CTNND2: variants seen among roughly 807,000 people sequenced by gnomAD.
CTNND2 encodes catenin delta-2.
In CTNND2, 22 loss-of-function variants were observed where a neutral mutation model predicts 144.4. The observed-to-expected ratio is 0.15, with a 90% confidence interval of 0.11 to 0.22. The LOEUF is 0.22. Ranked by LOEUF, CTNND2 falls within the 10% of genes least tolerant of loss-of-function variation. The pLI is 1.00. For synonymous variants in CTNND2, 751 were observed against 695.6 expected (o/e 1.08, Z -1.25); for missense variants, 1,353 against 1,618.8 (o/e 0.84, Z 2.82).
At chr5:11,775,745 G>A (rs1790217233) in intron 1 of CTNND2, among the ~76,000 whole-genome samples, 1 of 152,190 alleles carries the variant, frequency 6.6e-6, no homozygotes, top group South Asian at 2.1e-4. Flanking sequence ...GGGGCGCTGG[G>A]AGGAATAATA....
chr5:11,542,431 T>C (rs1774846247), intron 3 of CTNND2, among the ~76,000 whole-genome samples: 1 of 152,174 alleles, frequency 6.6e-6, no homozygotes, highest in African/African-American at 2.4e-5. Flanking sequence ...GTTTGATGAC[T>C]AGAGCAGCCA....
rs1306759012 is a variant in CTNND2 at position 11,182,105 on chromosome 5, AGTGT to A, written c.1975+17339_1975+17342del. On this transcript the variant is annotated intron_variant, in intron 11 of 21. Coordinates refer to ENST00000304623, the MANE Select transcript of CTNND2 (RefSeq NM_001332.4). ...GTATGTGTGGGGTGTGTGTGGATGGAGTGTGTGTGTGGTGTGTGTGTGGATGGGG... is the reference window on the plus strand; with the variant it reads ...GTATGTGTGGGGTGTGTGTGGATGGAGTGTGTGGTGTGTGTGTGGATGGGG... 1.7e-4 allele frequency among the ~76,000 whole-genome samples: 7 copies of A among 42,188 alleles called. No individual in the cohort carries two copies. The Admixed American group carries it at 1.9e-3, about 11-fold the overall frequency. The allele number at this position is 42,188 out of a possible 152,430, so 27.7% of individuals were successfully genotyped here.
chr5:11,330,246 C>T (rs1026020514), intron 9 of CTNND2, among the ~76,000 whole-genome samples: 36 of 147,544 alleles, frequency 2.4e-4, no homozygotes, highest in African/African-American at 7.6e-4. Flanking sequence ...CTGAGGCGGG[C>T]GGATCACGAG....
intron 3 of CTNND2, among the ~76,000 whole-genome samples, chr5:11,535,276 T>C (rs1294152270): frequency 6.6e-6 from 1 of 152,070 alleles, no homozygotes; most frequent in African/African-American, 2.4e-5. Context: ...AATGATTCAC[T>C]TTCTCACTCT....
intron 20 of CTNND2, among the ~76,000 whole-genome samples, chr5:10,983,073 G>T (rs1392992027): frequency 1.3e-5 from 2 of 152,116 alleles, no homozygotes; most frequent in African/African-American, 2.4e-5. Context: ...GAAGAGAAAA[G>T]ATCTAGTGTT....
At chr5:11,414,392 T>C (rs1761768660) in intron 3 of CTNND2, among the ~76,000 whole-genome samples, 1 of 152,198 alleles carries the variant, frequency 6.6e-6, no homozygotes, top group East Asian at 1.9e-4. Context: ...GATTTGCTAT[T>C]ATCTCTATAC....
intron 15 of CTNND2, among the ~76,000 whole-genome samples, chr5:11,094,874 T>C (rs1187705724): frequency 6.6e-6 from 1 of 152,224 alleles, no homozygotes; most frequent in Non-Finnish European, 1.5e-5. Context: ...TGACTTTGGC[T>C]ATTCTAGACC....
At chr5:11,496,186 T>C (rs1410031122) in intron 3 of CTNND2, among the ~76,000 whole-genome samples, 1 of 152,182 alleles carries the variant, frequency 6.6e-6, no homozygotes, top group African/African-American at 2.4e-5. Flanking sequence ...CTAAAGTGCA[T>C]TCATCTATTG....
rs570138867 is a variant in CTNND2, at chr5:11,478,917, G to A, written c.288-66848C>T. 7.2e-5 allele frequency among the ~76,000 whole-genome samples: 11 copies of A among 152,230 alleles called. No individual in the cohort carries two copies. In the East Asian group the frequency reaches 2.1e-3, roughly 29 times the overall value. ...TTCACTTAAAATTTCACTGTTGTCA[G>A]AACAAATTTAACAATAGCAACATTT... On this transcript the variant is annotated intron_variant, in intron 3 of 21. Transcript: ENST00000304623.
chr5:11,282,238 C>T (rs1561145950), intron 9 of CTNND2, among the ~76,000 whole-genome samples: 1 of 152,154 alleles, frequency 6.6e-6, no homozygotes, highest in Non-Finnish European at 1.5e-5. Flanking sequence ...GCAATTCATG[C>T]TTCTCGTCTG....
At chr5:11,222,706 C>T (rs1739920178) in intron 10 of CTNND2, among the ~76,000 whole-genome samples, 1 of 152,048 alleles carries the variant, frequency 6.6e-6, no homozygotes, top group Admixed American at 6.5e-5. Flanking sequence ...CTTGGATGGC[C>T]AAAGCAGGAG....
intron 2 of CTNND2, among the ~76,000 whole-genome samples, chr5:11,669,990 C>A (rs1486875281): frequency 6.6e-6 from 1 of 152,090 alleles, no homozygotes; most frequent in Admixed American, 6.6e-5. Context: ...TTTATTTATG[C>A]CTTCATTTCA....
intron 10 of CTNND2, among the ~76,000 whole-genome samples, chr5:11,209,452 G>A (rs181018453): frequency 6.6e-6 from 1 of 152,298 alleles, no homozygotes; most frequent in Admixed American, 6.5e-5. Context: ...TTAAAGGCCT[G>A]AATCACACCT....
intron 10 of CTNND2, among the ~76,000 whole-genome samples, chr5:11,228,875 G>A (rs1740658122): frequency 6.6e-6 from 1 of 152,050 alleles, no homozygotes; most frequent in South Asian, 2.1e-4. Flanking sequence ...TTTCCACTAG[G>A]ACTGAAAATT....
At chr5:11,193,738 G>C (rs1317609084) in intron 11 of CTNND2, among the ~76,000 whole-genome samples, 1 of 152,092 alleles carries the variant, frequency 6.6e-6, no homozygotes, top group African/African-American at 2.4e-5. Context: ...TATGCCTCTG[G>C]GTGATCATAA....
At chr5:11,566,102 T>A (rs540054046) in intron 2 of CTNND2, among the ~76,000 whole-genome samples, 1 of 152,302 alleles carries the variant, frequency 6.6e-6, no homozygotes, top group African/African-American at 2.4e-5. Flanking sequence ...AGGACACTCT[T>A]GCATGAGGTC....
intron 2 of CTNND2, among the ~76,000 whole-genome samples, chr5:11,568,040 C>T (rs1363444605): frequency 1.3e-5 from 2 of 152,144 alleles, no homozygotes; most frequent in Non-Finnish European, 2.9e-5. Context: ...AATCATCCTG[C>T]CCTATGAAGG....
intron 3 of CTNND2, among the ~76,000 whole-genome samples, chr5:11,424,535 TTC>T (rs1429387797): frequency 1.2e-4 from 19 of 152,052 alleles, no homozygotes; most frequent in Admixed American, 7.2e-4. Context: ...GCAATGTTGA[TTC>T]TGGTTGTGAT....
chr5:11,471,489 ACAGTGATGT>A (rs1767230893), intron 3 of CTNND2, among the ~76,000 whole-genome samples: 1 of 152,204 alleles, frequency 6.6e-6, no homozygotes, highest in Admixed American at 6.5e-5. Flanking sequence ...TAAAAAAATC[ACAGTGATGT>A]TATCAACGTT....
Sources: allele counts gnomAD v4.1 joint callset (sites outside exome capture counted in the v4.1 genomes callset), GRCh38; gene constraint gnomAD v4.1.1; transcripts MANE v1.5; gene names NCBI Gene and HGNC (gene_info 2026-07-23, HGNC 2026-07-21).